Variants in TEX15 observed in about 807,000 individuals in gnomAD.
The protein encoded by TEX15 is testis expressed 15, meiosis and synapsis associated, also known as testis-expressed protein 15.
TEX15 carries 171 observed loss-of-function variants against 237.3 expected under a neutral mutation model. The ratio of observed to expected loss-of-function variants is 0.72; its 90% confidence interval spans 0.64 to 0.82. The LOEUF is 0.82. Among genes scored for constraint, TEX15 ranks in the 40% least tolerant of loss-of-function variants. The pLI, the probability that TEX15 is intolerant of heterozygous loss-of-function variation, is 0.00. For synonymous variants in TEX15, 1,338 were observed against 1,269.8 expected (o/e 1.05, Z -1.14); for missense variants, 3,750 against 3,646.5 (o/e 1.03, Z -0.73).
chr8:30,839,830 G>A, intron 9 of TEX15, 76 bp downstream of exon 9: 1 of 866,014 alleles, frequency 1.2e-6, no homozygotes, highest in South Asian at 1.8e-5. Context: ...ATAAATAATT[G>A]TGTTATTCTA....
At chr8:30,911,163 G>A (rs1350919967) in intron 1 of TEX15, among the ~76,000 whole-genome samples, 1 of 151,800 alleles carries the variant, frequency 6.6e-6, no homozygotes, top group Non-Finnish European at 1.5e-5. Flanking sequence ...TCTGTCGCCC[G>A]GGCTGGAGTG....
chr8:30,867,656 A>G (rs1808202861), intron 4 of TEX15, among the ~76,000 whole-genome samples, 154 bp from the exon 5 acceptor site: 1 of 152,108 alleles, frequency 6.6e-6, no homozygotes, highest in Admixed American at 6.6e-5. Context: ...GTTGAAAATC[A>G]TCTTAGGAAC....
At chr8:30,877,229 C>T (rs71521394) in intron 3 of TEX15, among the ~76,000 whole-genome samples, 256 of 152,258 alleles carry the variant, frequency 1.7e-3, no homozygotes, top group Non-Finnish European at 3.1e-3. Flanking sequence ...TAGAGCCCTA[C>T]GTGCATGTCT....
At chr8:30,840,579 C>T (rs1450445221) in intron 8 of TEX15, among the ~76,000 whole-genome samples, 2 of 152,242 alleles carry the variant, frequency 1.3e-5, no homozygotes, top group East Asian at 1.9e-4. Flanking sequence ...TAAGCCCCAT[C>T]GATTCTTTAA....
In TEX15 at chr8:30,843,288, T is replaced by C. The variant is rs1563233160; in HGVS notation, c.6879A>G (p.Gln2293=). ...TGAGTAGCCTTTCTTCGTCCTTCTT[T>C]TGTGAGTATTTTTTGCTGAAGGATT... ...RTQSFSKKYS[Q]KKDEERLLRV... is the part of the protein sequence containing the mutation. The change falls in exon 8 of 11, where the codon CAA becomes CAG. Residue 2293 remains glutamine, a synonymous_variant. Transcript: ENST00000643185. 1 of 1,611,454 alleles carries C rather than the reference T, an allele frequency of 6.2e-7. No individual in the cohort carries two copies.
In TEX15 at chr8:30,908,944, GCCATTT is replaced by G. The variant is rs1809163637; in HGVS notation, c.-86+3929_-86+3934del. On this transcript the variant is annotated intron_variant, in intron 1 of 10. Transcript: ENST00000643185. ...GTTCCTGCTGTTTTAATATAAAAAT[GCCATTT>G]CCGCATTCATATTCTTTCTCACACA... Among the ~76,000 whole-genome samples, 5 of 151,964 alleles carry G rather than the reference GCCATTT, an allele frequency of 3.3e-5. 1 individual carries two copies. The South Asian group carries it at 1.0e-3, about 31-fold the overall frequency.
chr8:30,834,373 T>C (rs930392118), intron 10 of TEX15, among the ~76,000 whole-genome samples: 2 of 152,192 alleles, frequency 1.3e-5, no homozygotes, highest in African/African-American at 4.8e-5. Context: ...GGTTGCGCCA[T>C]GTTGTCCAGG....
chr8:30,845,457 T>C lies in TEX15; in HGVS notation c.4710A>G (p.Lys1570=), dbSNP rs1358270773. 4.3e-6 allele frequency: 7 copies of C among 1,612,940 alleles called. No individual in the cohort carries two copies. Among genetic ancestry groups the C allele is most frequent in the Non-Finnish European group, 5.9e-6 (7 of 1,179,436 alleles). ...PDHSDEKLIE[K]ENQIDTAFLS... The stretch of plus-strand genomic sequence containing the variant: ...AAAATGCTGTATCAATTTGATTTTC[T>C]TTTTCTATTAGTTTCTCATCTGAGT... Residue 1570 remains lysine, a synonymous_variant, in exon 8 of 11, where the codon AAA becomes AAG. Transcript: ENST00000643185.
At chr8:30,902,095 C>G (rs186906122) in intron 1 of TEX15, among the ~76,000 whole-genome samples, 35 of 152,180 alleles carry the variant, frequency 2.3e-4, no homozygotes, top group Non-Finnish European at 4.1e-4. Context: ...AGGCTGGGCC[C>G]GGAAATCTGT....
At position 30,845,945 on chromosome 8, in the gene TEX15, TTTC is replaced by T. The variant is rs759164949; in HGVS notation, c.4219_4221del (p.Glu1407del). On this transcript the variant is annotated inframe_deletion, in exon 8 of 11. Coordinates refer to ENST00000643185, the MANE Select transcript of TEX15 (RefSeq NM_001350162.2). ...TATGATTTTGGTAATGGGCCCTTTC[TTTC>T]TTCTCCTACTTTAGTTATAAGCTGC... 39 of 1,612,982 alleles carry T rather than the reference TTTC, an allele frequency of 2.4e-5. No individual in the cohort carries two copies. The highest frequency in any genetic ancestry group is 1.6e-4 in the Middle Eastern group (1 of 6,082).
At chr8:30,870,094 C>T (rs1009417219) in intron 4 of TEX15, among the ~76,000 whole-genome samples, 1 of 151,702 alleles carries the variant, frequency 6.6e-6, no homozygotes, top group Non-Finnish European at 1.5e-5. Context: ...ACACTCAAGT[C>T]TTAGAATTTG....
At chr8:30,879,155 A>C (rs1808466838) in intron 3 of TEX15, among the ~76,000 whole-genome samples, 1 of 151,982 alleles carries the variant, frequency 6.6e-6, no homozygotes, top group South Asian at 2.1e-4. Context: ...TGAACTTTGA[A>C]AGTGCTTTAT....
intron 2 of TEX15, among the ~76,000 whole-genome samples, chr8:30,892,355 C>A (rs1243370590): frequency 6.6e-6 from 1 of 152,050 alleles, no homozygotes; most frequent in Non-Finnish European, 1.5e-5. Flanking sequence ...TTTCTGTATT[C>A]ATGCATCAAC....
In TEX15 at chr8:30,851,147, C is replaced by T. The variant is rs572301498; in HGVS notation, c.851-1831G>A. ...CTACTCTGATAAACTTGTATAAATACCCAAAGTTCTATGGACAAGGATCTT... is the reference window on the plus strand; with the variant it reads ...CTACTCTGATAAACTTGTATAAATATCCAAAGTTCTATGGACAAGGATCTT... On this transcript the variant is annotated intron_variant, in intron 7 of 10. Coordinates refer to ENST00000643185, the MANE Select transcript of TEX15 (RefSeq NM_001350162.2). Among the ~76,000 whole-genome samples, 42 of 150,840 alleles carry T rather than the reference C, an allele frequency of 2.8e-4. No individual in the cohort carries two copies. The South Asian group carries it at 3.7e-3, about 13-fold the overall frequency.
intron 5 of TEX15, among the ~76,000 whole-genome samples, chr8:30,865,498 G>A (rs323366): frequency 0.35 from 53,461 of 151,812 alleles, 14,094 homozygotes; most frequent in African/African-American, 0.74. Flanking sequence ...CAAAGACAAC[G>A]AAAGAAGCTA....
At chr8:30,881,997 A>G (rs995226057) in intron 3 of TEX15, among the ~76,000 whole-genome samples, 1 of 152,260 alleles carries the variant, frequency 6.6e-6, no homozygotes, top group South Asian at 2.1e-4. Context: ...TCAAATGTAA[A>G]CATTTAGTGC....
At chr8:30,873,628 A>C (rs982965869) in intron 4 of TEX15, among the ~76,000 whole-genome samples, 1 of 152,142 alleles carries the variant, frequency 6.6e-6, no homozygotes, top group African/African-American at 2.4e-5. Context: ...CTTTCCCAGT[A>C]CCAAATTCAG....
At chr8:30,879,927 CT>C (rs55942711) in intron 3 of TEX15, among the ~76,000 whole-genome samples, 23,801 of 136,676 alleles carry the variant, frequency 0.17, 2,039 homozygotes, top group Admixed American at 0.27. Context: ...TTTAGATTTC[CT>C]TTTTTTTTTT....
chr8:30,876,711 C>T (rs1808405499), intron 3 of TEX15, among the ~76,000 whole-genome samples: 1 of 152,200 alleles, frequency 6.6e-6, no homozygotes, highest in South Asian at 2.1e-4. Context: ...CTAGACCACA[C>T]TTCAGCATTA....
Sources: gnomAD v4.1 joint callset for allele counts (sites outside exome capture counted in the v4.1 genomes callset) on GRCh38, gnomAD v4.1.1 for gene constraint, MANE v1.5 for transcripts, NCBI Gene and HGNC (gene_info 2026-07-23, HGNC 2026-07-21) for gene names.